MYO18A: variants seen among roughly 807,000 people sequenced by gnomAD.
MYO18A encodes myosin XVIIIA, also known as unconventional myosin-XVIIIa.
A neutral mutation model predicts 235.8 loss-of-function variants in MYO18A; 78 were observed. That is an observed-to-expected ratio of 0.33 (90% CI 0.28 to 0.40). MYO18A has a LOEUF of 0.40. MYO18A is among the 10% of genes least tolerant of loss of function. The pLI, the probability that MYO18A is intolerant of heterozygous loss-of-function variation, is 1.00. For synonymous variants in MYO18A, 977 were observed against 1,077.8 expected (o/e 0.91, Z 1.83); for missense variants, 2,215 against 2,699.3 (o/e 0.82, Z 3.98).
chr17:29,169,181 G>T (rs1435910939), intron 1 of MYO18A, among the ~76,000 whole-genome samples: 1 of 151,954 alleles, frequency 6.6e-6, no homozygotes, highest in Non-Finnish European at 1.5e-5. Flanking sequence ...CTCCCAAGTA[G>T]CTGGGACTAC....
In MYO18A at chr17:29,117,884, C is replaced by A; in HGVS notation, c.2038+161G>T. ...GTCACTGCCAAAGATGCTTCCCGGG[C>A]CTTCTGCTCTGAAGTGGGGGGCTGA... On this transcript the variant is annotated intron_variant, in intron 10 of 41. Coordinates refer to ENST00000527372, the MANE Select transcript of MYO18A (RefSeq NM_078471.4). The surrounding 1 kb of genome is among the most constrained non-coding windows in gnomAD (Gnocchi z 4.6). 1.2e-6 allele frequency: 1 copy of A among 849,102 alleles called. No individual in the cohort carries two copies. The highest frequency in any genetic ancestry group is 1.8e-6 in the Non-Finnish European group (1 of 562,960). The allele number at this position is 849,102 out of a possible 1,614,324, so 52.6% of individuals were successfully genotyped here.
intron 1 of MYO18A, among the ~76,000 whole-genome samples, chr17:29,176,243 C>T (rs2068523458): frequency 6.6e-6 from 1 of 152,106 alleles, no homozygotes; most frequent in African/African-American, 2.4e-5. Flanking sequence ...AAGCTGCAAA[C>T]AGGGTAATGG....
chr17:29,136,250 A>AAAAAAAAAT (rs1483354837), intron 2 of MYO18A, among the ~76,000 whole-genome samples: 10 of 82,470 alleles, frequency 1.2e-4, no homozygotes, highest in African/African-American at 3.7e-4. Context: ...AAAAAAAAAA[A>AAAAAAAAAT]ATATATATAT....
chr17:29,122,007 C>CT (rs766517521), intron 3 of MYO18A, 50 bp from the exon 4 acceptor site: 1 of 1,591,840 alleles, frequency 6.3e-7, no homozygotes, highest in East Asian at 2.2e-5. Flanking sequence ...GCCTCTGCTA[C>CT]TCCACTTGGG....
At chr17:29,082,535 G>A in intron 40 of MYO18A, 97 bp from the exon 41 acceptor site, 1 of 1,301,772 alleles carries the variant, frequency 7.7e-7, no homozygotes, top group Non-Finnish European at 1.1e-6. Flanking sequence ...GGGCAGGGGG[G>A]ATGTGGGCAG....
At position 29,073,786 on chromosome 17, in the gene MYO18A, G is replaced by C; in HGVS notation, c.*984C>G. On this transcript the variant is annotated 3_prime_UTR_variant, in exon 42 of 42. Coordinates refer to ENST00000527372, the MANE Select transcript of MYO18A (RefSeq NM_078471.4). ...GAATGACACGGGCTCAGGACACAGA[G>C]TGAGGACTCATGTCTAATGAGCACC... The C allele has an allele frequency of 6.8e-7, 1 of 1,465,670 alleles. No homozygotes were observed. The allele number at this position is 1,465,670 out of a possible 1,614,324, so 90.8% of individuals were successfully genotyped here.
At position 29,092,877 on chromosome 17, in the gene MYO18A, T is replaced by C. The variant is rs1181111713; in HGVS notation, c.5051A>G (p.Glu1684Gly). ...TACCTGGTTCTTGAGCTGGGCAATC[T>C]CTCGCTTGCTGGGAGCACTGTTCTT... ...HLKNSAPSKR[E>G]IAQLKNQLEE... Residue 1684 changes from glutamate to glycine, a missense_variant, in exon 33 of 42, where the codon GAG (glutamate) becomes GGG (glycine). By Grantham distance (98) the Glu-to-Gly change is moderately conservative. Transcript: ENST00000527372. 4 of 1,613,778 alleles carry C rather than the reference T, an allele frequency of 2.5e-6. No homozygotes were observed. The African/African-American group carries it at 5.3e-5, about 22-fold the overall frequency.
intron 2 of MYO18A, chr17:29,136,890 G>A (rs1289714429): frequency 6.6e-6 from 1 of 152,150 alleles, no homozygotes; most frequent in East Asian, 1.9e-4. Flanking sequence ...TCTCCAAATC[G>A]AGTTTTTGGA....
intron 2 of MYO18A, chr17:29,128,625 T>G (rs2067384450): frequency 9.4e-7 from 1 of 1,061,650 alleles, no homozygotes; most frequent in Non-Finnish European, 1.2e-6. Context: ...TAAGAAGGTG[T>G]GACCTCACGC....
In MYO18A at chr17:29,075,004, G is replaced by A. The variant is rs115987480; in HGVS notation, c.6021-90C>T. Reference sequence around the variant, plus strand: ...TGGTTCTGGAGGCCCACAAAGCTGCGTCAGAGCACTCCCCAAAAGCCAAAC... The same window carrying A: ...TGGTTCTGGAGGCCCACAAAGCTGCATCAGAGCACTCCCCAAAAGCCAAAC... On this transcript the variant is annotated intron_variant, in intron 41 of 41. Transcript: ENST00000527372. 666 of 1,500,532 alleles carry A rather than the reference G, an allele frequency of 4.4e-4. 1 individual carries two copies. In the African/African-American group the frequency reaches 7.6e-3, roughly 17 times the overall value. The allele number at this position is 1,500,532 out of a possible 1,614,324, so 93.0% of individuals were successfully genotyped here.
intron 39 of MYO18A, 121 bp from the exon 40 acceptor site, chr17:29,085,769 C>T (rs1367941349): frequency 1.0e-6 from 1 of 974,820 alleles, no homozygotes; most frequent in Non-Finnish European, 1.6e-6. Flanking sequence ...CCAGCTCTGG[C>T]TGGTTGAGAC....
chr17:29,178,495 A>T (rs1347647913), intron 1 of MYO18A, among the ~76,000 whole-genome samples: 1 of 150,516 alleles, frequency 6.6e-6, no homozygotes, highest in African/African-American at 2.4e-5. Flanking sequence ...TGAGGCCACA[A>T]CCCCCATGTC....
chr17:29,120,487 C>A lies in MYO18A; in HGVS notation c.1728+129G>T, dbSNP rs2067171072. ...CTCTGGATAGTGCAGGCCAACCCTG[C>A]CCATGCCTGGGTCAATTTTGTTAGG... On this transcript the variant is annotated intron_variant, in intron 7 of 41. Coordinates refer to ENST00000527372, the MANE Select transcript of MYO18A (RefSeq NM_078471.4). This position sits in a 1 kb window ranked among gnomAD's most constrained non-coding sequence, Gnocchi z 4.2. 2.4e-6 allele frequency: 3 copies of A among 1,271,138 alleles called. No homozygotes were observed. 78.7% of individuals were successfully genotyped at this position (1,271,138 alleles called of 1,614,324 possible). A position where few individuals can be genotyped will look rare whatever the true frequency, so the allele number is the denominator to read the frequency against.
At chr17:29,113,121 G>T (rs764617697) in intron 15 of MYO18A, among the ~76,000 whole-genome samples, 1 of 152,244 alleles carries the variant, frequency 6.6e-6, no homozygotes, top group African/African-American at 2.4e-5. Context: ...CACCATAGGA[G>T]CCCAGGTGTC....
chr17:29,097,945 C>A (rs372730874), intron 25 of MYO18A, 46 bp from the exon 26 acceptor site: 159 of 1,584,700 alleles, frequency 1.0e-4, no homozygotes, highest in Non-Finnish European at 1.3e-4. Context: ...TCCCCTCATA[C>A]CCACTCCCCG....
At chr17:29,099,045 C>T in intron 22 of MYO18A, 76 bp from the exon 23 acceptor site, 1 of 1,576,068 alleles carries the variant, frequency 6.3e-7, no homozygotes. Flanking sequence ...ATCCTCCCCA[C>T]CACCAGCACA....
chr17:29,147,282 C>T (rs556753844), intron 2 of MYO18A, among the ~76,000 whole-genome samples: 4 of 151,208 alleles, frequency 2.6e-5, no homozygotes, highest in East Asian at 4.0e-4. Context: ...TTTGGGAGGC[C>T]GAGGAAGGCA....
chr17:29,146,706 A>G (rs2067856245), intron 2 of MYO18A, among the ~76,000 whole-genome samples: 1 of 152,254 alleles, frequency 6.6e-6, no homozygotes, highest in Non-Finnish European at 1.5e-5. Flanking sequence ...TACTTGTCTG[A>G]GGACCAAGGC....
chr17:29,086,758 G>A, intron 38 of MYO18A, 178 bp downstream of exon 38: 4 of 1,110,250 alleles, frequency 3.6e-6, no homozygotes, highest in Non-Finnish European at 5.0e-6. Flanking sequence ...ATCTGAGGGA[G>A]TCTCCAGTGC....
Sources: gnomAD v4.1 joint callset for allele counts (sites outside exome capture counted in the v4.1 genomes callset) on GRCh38, gnomAD v4.1.1 for gene constraint, Gnocchi (gnomAD v3.1) non-coding constraint, MANE v1.5 for transcripts, NCBI Gene and HGNC (gene_info 2026-07-23, HGNC 2026-07-21) for gene names.